The following MTERF4 variants were observed in gnomAD, a reference collection of about 807,000 sequenced individuals.
MTERF4 encodes transcription termination factor 4, mitochondrial.
A neutral mutation model predicts 22.5 loss-of-function variants in MTERF4; 17 were observed. The observed-to-expected ratio is 0.75, with a 90% CI of 0.52 to 1.13. The LOEUF (loss-of-function observed/expected upper bound fraction) is 1.13. Among genes scored for constraint, MTERF4 ranks in the 50% most tolerant of loss-of-function variants. The pLI, the probability that MTERF4 is intolerant of heterozygous loss-of-function variation, is 0.00. For missense variants in MTERF4, 420 were observed against 466.8 expected (o/e 0.90, Z 0.92); for synonymous variants, 165 against 175.3 (o/e 0.94, Z 0.47).
exon 5 of MTERF4, chr2:241,072,785 A>G (rs1402257604): frequency 1.0e-5 from 2 of 191,424 alleles, no homozygotes; most frequent in African/African-American, 2.4e-5. Context: ...GGAAGCGGAT[A>G]TGAAGTGCCC....
chr2:241,087,260 G>A (rs377479123), downstream of MTERF4: 509 of 703,538 alleles, frequency 7.2e-4, 9 homozygotes, highest in South Asian at 9.9e-3. Context: ...AGGAGGTCAC[G>A]TTTCATTCAG....
downstream of MTERF4, chr2:241,069,133 C>T: frequency 1.4e-6 from 1 of 695,828 alleles, no homozygotes; most frequent in Non-Finnish European, 2.3e-6. This position sits in a 1 kb window ranked among gnomAD's most constrained non-coding sequence, Gnocchi z 4.9. Context: ...ACCAGAAACC[C>T]AGCCCCTGGC....
downstream of MTERF4, chr2:241,067,928 G>C (rs2062530858): frequency 1.2e-6 from 2 of 1,612,156 alleles, no homozygotes; most frequent in East Asian, 4.5e-5. Context: ...GGACAGGAGT[G>C]TGGACAGGTT....
At chr2:241,048,351 C>G in the MTERF4 span, 1 of 1,611,228 alleles carries the variant, frequency 6.2e-7, no homozygotes, top group South Asian at 1.1e-5. Flanking sequence ...CTCTCGGCCC[C>G]TTGCCACAAT....
downstream of MTERF4, among the ~76,000 whole-genome samples, chr2:241,082,866 G>A (rs2063396310): frequency 6.6e-6 from 1 of 151,924 alleles, no homozygotes; most frequent in Non-Finnish European, 1.5e-5. Flanking sequence ...GACTCTGTCG[G>A]TCACACAGTC....
chr2:241,061,900 A>G, the MTERF4 span, among the ~76,000 whole-genome samples: 3 of 152,114 alleles, frequency 2.0e-5, no homozygotes, highest in Non-Finnish European at 2.9e-5. Flanking sequence ...GAAAAAGTCT[A>G]GAACCAACCC....
At chr2:241,065,590 G>A in the MTERF4 span, 30 of 1,610,992 alleles carry the variant, frequency 1.9e-5, no homozygotes, top group Middle Eastern at 1.8e-4. Flanking sequence ...CTGCTGGCCC[G>A]CACGCGTGAG....
chr2:241,056,639 G>T, the MTERF4 span, among the ~76,000 whole-genome samples: 1 of 141,012 alleles, frequency 7.1e-6, no homozygotes, highest in Middle Eastern at 4.3e-3. Context: ...GGAGTGCAGT[G>T]GCACGATCTC....
downstream of MTERF4, among the ~76,000 whole-genome samples, chr2:241,068,691 C>T (rs1026329370): frequency 2.6e-5 from 4 of 152,158 alleles, no homozygotes; most frequent in African/African-American, 9.7e-5. This position sits in a 1 kb window ranked among gnomAD's most constrained non-coding sequence, Gnocchi z 5.3. Flanking sequence ...CAAGCGCACC[C>T]GATCCTCCTC....
chr2:241,090,356 T>C (rs1199385319), downstream of MTERF4: 2 of 1,550,320 alleles, frequency 1.3e-6, no homozygotes, highest in East Asian at 4.9e-5. Context: ...TGCCACCTCC[T>C]GTGACAATGA....
the MTERF4 span, chr2:241,051,589 C>T: frequency 1.4e-5 from 8 of 564,478 alleles, no homozygotes; most frequent in South Asian, 2.8e-5. This position sits in a 1 kb window ranked among gnomAD's most constrained non-coding sequence, Gnocchi z 4.7. Flanking sequence ...ACCATGTGTG[C>T]GGACCTGCTT....
chr2:241,045,191 G>T, the MTERF4 span, among the ~76,000 whole-genome samples: 1 of 152,236 alleles, frequency 6.6e-6, no homozygotes, highest in Non-Finnish European at 1.5e-5. Context: ...CATGTTCATG[G>T]ATTAGAAGAC....
At chr2:241,074,910 T>C (rs940938432) in exon 5 of MTERF4, 1 of 152,174 alleles carries the variant, frequency 6.6e-6, no homozygotes, top group African/African-American at 2.4e-5. Flanking sequence ...TGCCTAGAAT[T>C]CCTTTGTTTT....
At chr2:241,064,897 A>T in the MTERF4 span, 7 of 1,585,374 alleles carry the variant, frequency 4.4e-6, no homozygotes, top group Non-Finnish European at 6.0e-6. The surrounding 1 kb of genome is among the most constrained non-coding windows in gnomAD (Gnocchi z 7.0). Flanking sequence ...TTGCCTGGCC[A>T]GCAACGGCTC....
rs781212965 is a variant in MTERF4 at position 241,096,052 on chromosome 2, GTCC to G, written c.1089_1091del (p.Glu363del). On this transcript the variant is annotated inframe_deletion, in exon 4 of 4. Transcript: ENST00000391980. This position sits in a 1 kb window ranked among gnomAD's most constrained non-coding sequence, Gnocchi z 5.1. ...CATCATTGTCCTCCGCCTCGTCGTC[GTCC>G]TCATCATCGTCATCCTCATCATTGT... is the stretch of plus-strand genomic sequence containing the variant. 48 of 1,611,326 alleles carry G rather than the reference GTCC, an allele frequency of 3.0e-5. No homozygotes were observed. The highest frequency in any genetic ancestry group is 1.7e-4 in the Middle Eastern group (1 of 6,056).
downstream of MTERF4, among the ~76,000 whole-genome samples, chr2:241,086,710 A>ACTT (rs1235005855): frequency 6.6e-6 from 1 of 152,188 alleles, no homozygotes; most frequent in African/African-American, 2.4e-5. Flanking sequence ...GTTCTATGAG[A>ACTT]CTTAGCATAT....
the MTERF4 span, among the ~76,000 whole-genome samples, chr2:241,053,852 G>A: frequency 1.3e-5 from 2 of 152,206 alleles, no homozygotes; most frequent in Non-Finnish European, 2.9e-5. Context: ...GAAGCCCCTG[G>A]AGAAGTAGGG....
chr2:241,068,920 G>T (rs900464693), downstream of MTERF4: 3 of 1,551,212 alleles, frequency 1.9e-6, no homozygotes, highest in African/African-American at 2.7e-5. The surrounding 1 kb of genome is among the most constrained non-coding windows in gnomAD (Gnocchi z 5.3). Context: ...GGGCCCTGCT[G>T]CCTGGGAAGA....
intron 4 of MTERF4, among the ~76,000 whole-genome samples, chr2:241,079,865 A>G (rs759616488): frequency 4.6e-5 from 7 of 152,236 alleles, no homozygotes; most frequent in Non-Finnish European, 7.3e-5. Flanking sequence ...TAATGTTAGT[A>G]GTAATACCTG....
Sources: allele counts gnomAD v4.1 joint callset (sites outside exome capture counted in the v4.1 genomes callset), GRCh38; gene constraint gnomAD v4.1.1; non-coding constraint Gnocchi (gnomAD v3.1); transcripts MANE v1.5; gene names NCBI Gene and HGNC (gene_info 2026-07-23, HGNC 2026-07-21).